KERA: variants seen among roughly 807,000 people sequenced by gnomAD.
KERA encodes the protein keratocan.
In KERA, 25 loss-of-function variants were observed where a neutral mutation model predicts 26.4. The observed-to-expected ratio is 0.95, with a 90% CI of 0.69 to 1.32. The LOEUF is 1.32. Among genes scored for constraint, KERA ranks in the 40% most tolerant of loss-of-function variants. The pLI is 0.00. For missense variants in KERA, 434 were observed against 408.9 expected, an observed-to-expected ratio of 1.06 and a Z score of -0.53; for synonymous variants, 167 against 146.1, an observed-to-expected ratio of 1.14 and a Z score of -1.03.
At chr12:91,054,314 C>A (rs1878937615) in intron 2 of KERA, among the ~76,000 whole-genome samples, 1 of 151,388 alleles carries the variant, frequency 6.6e-6, no homozygotes, top group Admixed American at 6.6e-5. Context: ...GCAGCACAAC[C>A]TTTTGACAAA....
In KERA at chr12:91,055,524, C is replaced by A. The variant is rs963647138; in HGVS notation, c.758G>T (p.Gly253Val). ...TACATCAAATCCTCTTGATGGGAGA[C>A]CCTCATCTGACAGTTTGTTGTGATT... ...RLNHNKLSDEGLPSRGFDVSS... is the reference protein window; with the variant it reads ...RLNHNKLSDEVLPSRGFDVSS... Residue 253 changes from glycine (G) to valine (V), a missense_variant, in exon 2 of 3, where the codon GGT (glycine) becomes GTT (valine). Gly to Val is a moderately radical substitution (Grantham distance 109). Coordinates refer to ENST00000266719, the MANE Select transcript of KERA (RefSeq NM_007035.4). The A allele has an allele frequency of 6.2e-7, 1 of 1,609,970 alleles. No homozygotes were observed. Among genetic ancestry groups the A allele is most frequent in the East Asian group, 2.2e-5 (1 of 44,784 alleles).
chr12:91,055,765 G>A lies in KERA; in HGVS notation c.517C>T (p.Leu173=), dbSNP rs1878984734. The A allele has an allele frequency of 2.5e-6, 4 of 1,611,334 alleles. No homozygotes were observed. The highest frequency in any genetic ancestry group is 3.4e-6 in the Non-Finnish European group (4 of 1,178,222). ...SNLENLTLLD[L]QNNKLVDNAF... ...TTGTCCACTAATTTGTTGTTCTGTAGGTCAAGAAGGGTCAGGTTCTCCAGA... is the reference window on the plus strand; with the variant it reads ...TTGTCCACTAATTTGTTGTTCTGTAAGTCAAGAAGGGTCAGGTTCTCCAGA... The change falls in exon 2 of 3, where the codon CTA becomes TTA. Residue 173 remains leucine, a synonymous_variant. Transcript: ENST00000266719.
rs371954775 is a variant in KERA at position 91,055,446 on chromosome 12, C to T, written c.836G>A (p.Arg279Gln). ...AAGGTGCTGCAGATGAGCACTGATT[C>T]GGGGAACCTTTGTGAGTTGATTGTG... ...LSHNQLTKVP[R>Q]ISAHLQHLHL... Residue 279 changes from arginine to glutamine, a missense_variant, in exon 2 of 3, where the codon CGA (arginine) becomes CAA (glutamine). Coordinates refer to ENST00000266719, the MANE Select transcript of KERA (RefSeq NM_007035.4). The T allele has an allele frequency of 2.6e-4, 414 of 1,610,098 alleles. 1 individual carries two copies. The South Asian group carries it at 3.2e-3, about 13-fold the overall frequency.
At chr12:91,053,646 G>C (rs1878918282) in intron 2 of KERA, among the ~76,000 whole-genome samples, 1 of 151,256 alleles carries the variant, frequency 6.6e-6, no homozygotes, top group African/African-American at 2.4e-5. Context: ...AGATCTCCAG[G>C]TGATTCTGAT....
rs921185623 is a variant in KERA, at chr12:91,050,605, A to G, written c.*741T>C. ...AAATCCAAAAAACACAATCAAATAT[A>G]AAGAACAATTTGCAGTTTAAGTGGA... On this transcript the variant is annotated 3_prime_UTR_variant, in exon 3 of 3. Coordinates refer to ENST00000266719, the MANE Select transcript of KERA (RefSeq NM_007035.4). 1 of 152,080 alleles carries G rather than the reference A, an allele frequency of 6.6e-6. No homozygotes were observed. Among genetic ancestry groups the G allele is most frequent in the Non-Finnish European group, 1.5e-5 (1 of 67,736 alleles). 9.4% of individuals were successfully genotyped at this position (152,080 alleles called of 1,614,324 possible). A position where few individuals can be genotyped will look rare whatever the true frequency, so the allele number is the denominator to read the frequency against.
At chr12:91,056,940 C>T (rs1424316377) in intron 1 of KERA, among the ~76,000 whole-genome samples, 3 of 150,610 alleles carry the variant, frequency 2.0e-5, no homozygotes, top group Non-Finnish European at 3.0e-5. Flanking sequence ...GTTGTTCAGC[C>T]AAGCTATTGA....
chr12:91,051,289 C>T lies in KERA; in HGVS notation c.*57G>A, dbSNP rs1878859058. The T allele has an allele frequency of 2.1e-6, 3 of 1,417,770 alleles. No individual in the cohort carries two copies. Among genetic ancestry groups the T allele is most frequent in the East Asian group, 2.3e-5 (1 of 43,598 alleles). The allele number at this position is 1,417,770 out of a possible 1,614,324, so 87.8% of individuals were successfully genotyped here. On this transcript the variant is annotated 3_prime_UTR_variant, in exon 3 of 3. Coordinates refer to ENST00000266719, the MANE Select transcript of KERA (RefSeq NM_007035.4). ...GTGTCCTAAACCTATTAATGGTAAC[C>T]ACATTTCATGTCAGAAACAGCTCAT...
chr12:91,055,494 G>A lies in KERA; in HGVS notation c.788C>T (p.Ser263Leu), dbSNP rs1016430783. The part of the protein sequence containing the change: ...GLPSRGFDVS[S>L]ILDLQLSHNQ... ...GTGCGACAGTTGAAGATCTAGAATT[G>A]ATGATACATCAAATCCTCTTGATGG... Residue 263 changes from serine to leucine, a missense_variant, in exon 2 of 3, where the codon TCA becomes TTA. Ser to Leu is a moderately radical substitution (Grantham distance 145). Transcript: ENST00000266719. The A allele has an allele frequency of 6.2e-7, 1 of 1,610,096 alleles. No individual in the cohort carries two copies. Among genetic ancestry groups the A allele is most frequent in the Admixed American group, 1.7e-5 (1 of 59,634 alleles).
rs187877515 is a variant in KERA at position 91,053,042 on chromosome 12, A to T, written c.887-1524T>A. ...AAATATTTCCATCATATTGCTTAAG[A>T]CAAGTTCACTGTCTCATAAATTTTG... On this transcript the variant is annotated intron_variant, in intron 2 of 2. Transcript: ENST00000266719. Among the ~76,000 whole-genome samples, 69 of 151,616 alleles carry T rather than the reference A, an allele frequency of 4.6e-4. 1 individual carries two copies. Among genetic ancestry groups the T allele is most frequent in the African/African-American group, 1.6e-3 (67 of 41,482 alleles).
At chr12:91,052,050 T>A (rs1255173897) in intron 2 of KERA, among the ~76,000 whole-genome samples, 1 of 151,652 alleles carries the variant, frequency 6.6e-6, no homozygotes, top group Non-Finnish European at 1.5e-5. Flanking sequence ...AACATGATTT[T>A]AAAAGTACAA....
chr12:91,052,426 G>A (rs1219267649), intron 2 of KERA, among the ~76,000 whole-genome samples: 2 of 151,490 alleles, frequency 1.3e-5, no homozygotes, highest in Non-Finnish European at 3.0e-5. Flanking sequence ...ACTGAACTTG[G>A]GCAATGCCCC....
intron 2 of KERA, among the ~76,000 whole-genome samples, chr12:91,054,194 A>G (rs1671921836): frequency 6.6e-6 from 1 of 151,432 alleles, no homozygotes; most frequent in South Asian, 2.1e-4. Flanking sequence ...CACCAAAAAA[A>G]CAAAAATTCT....
chr12:91,051,656 T>A, intron 2 of KERA, 138 bp from the exon 3 acceptor site: 1 of 684,710 alleles, frequency 1.5e-6, no homozygotes, highest in South Asian at 1.6e-5. Context: ...ACAAAACATT[T>A]GTGTCAGTGA....
At chr12:91,056,389 G>T in intron 1 of KERA, 100 bp from the exon 2 acceptor site, 1 of 950,334 alleles carries the variant, frequency 1.1e-6, no homozygotes, top group Non-Finnish European at 1.7e-6. Context: ...CTTCAGGGAA[G>T]AGGTGAAAAT....
chr12:91,055,702 G>A lies in KERA; in HGVS notation c.580C>T (p.Leu194Phe). 1 of 1,611,394 alleles carries A rather than the reference G, an allele frequency of 6.2e-7. No individual in the cohort carries two copies. ...QRDTFKGLKN[L>F]MQLNMAKNAL... is the part of the protein sequence containing the mutation. Reference sequence around the variant, plus strand: ...TTCTTGGCCATGTTTAGCTGCATGAGATTCTTGAGTCCTTTAAAAGTGTCT... The same window carrying A: ...TTCTTGGCCATGTTTAGCTGCATGAAATTCTTGAGTCCTTTAAAAGTGTCT... The change falls in exon 2 of 3, where the codon CTC becomes TTC. Residue 194 changes from leucine (L) to phenylalanine (F), a missense_variant. By Grantham distance (22) the Leu-to-Phe change is conservative. Coordinates refer to ENST00000266719, the MANE Select transcript of KERA (RefSeq NM_007035.4).
intron 1 of KERA, among the ~76,000 whole-genome samples, chr12:91,057,132 T>C (rs1292584454): frequency 1.3e-5 from 2 of 150,560 alleles, no homozygotes; most frequent in Non-Finnish European, 3.0e-5. Context: ...GCCATTATTA[T>C]GGTTGATAAG....
chr12:91,056,335 C>G lies in KERA; in HGVS notation c.-8-46G>C. Reference sequence around the variant, plus strand: ...CTGTTAGATATTTGAAGATCTTGACCTTTAGATAATTTTATACATCAAAAT... The same window carrying G: ...CTGTTAGATATTTGAAGATCTTGACGTTTAGATAATTTTATACATCAAAAT... On this transcript the variant is annotated intron_variant, in intron 1 of 2. Coordinates refer to ENST00000266719, the MANE Select transcript of KERA (RefSeq NM_007035.4). 7.4e-6 allele frequency: 11 copies of G among 1,476,598 alleles called. No individual in the cohort carries two copies. The South Asian group carries it at 1.1e-4, about 15-fold the overall frequency. 91.5% of individuals were successfully genotyped at this position (1,476,598 alleles called of 1,614,324 possible). A position where few individuals can be genotyped will look rare whatever the true frequency, so the allele number is the denominator to read the frequency against.
chr12:91,053,435 C>A (rs1388061872), intron 2 of KERA, among the ~76,000 whole-genome samples: 1 of 151,262 alleles, frequency 6.6e-6, no homozygotes, highest in Admixed American at 6.6e-5. Flanking sequence ...AAATATCCTC[C>A]CCTAGCTGAT....
chr12:91,057,862 A>G lies in KERA; in HGVS notation c.-127T>C, dbSNP rs1879056406. On this transcript the variant is annotated 5_prime_UTR_variant, in exon 1 of 3. Transcript: ENST00000266719. ...AATTTGTTTTTACTTTAAGCTGTCA[A>G]GTCGTCTATGAGAAACAGTGAAACC... 1 of 151,068 alleles carries G rather than the reference A, an allele frequency of 6.6e-6. No homozygotes were observed. Among genetic ancestry groups the G allele is most frequent in the African/African-American group, 2.4e-5 (1 of 41,284 alleles). 9.4% of individuals were successfully genotyped at this position (151,068 alleles called of 1,614,324 possible).
Sources: allele counts gnomAD v4.1 joint callset (sites outside exome capture counted in the v4.1 genomes callset), GRCh38; gene constraint gnomAD v4.1.1; transcripts MANE v1.5; gene names NCBI Gene and HGNC (gene_info 2026-07-23, HGNC 2026-07-21).